The following NFATC1 variants were observed in gnomAD, a reference collection of about 807,000 sequenced individuals.
NFATC1 encodes nuclear factor of activated T cells 1, also known as nuclear factor of activated T-cells, cytoplasmic 1.
In NFATC1, 22 loss-of-function variants were observed where a neutral mutation model predicts 76.0. The observed-to-expected ratio is 0.29, with a 90% CI of 0.21 to 0.41. The LOEUF is 0.41. Among genes scored for constraint, NFATC1 ranks in the 10% least tolerant of loss-of-function variants. NFATC1 has a pLI of 1.00. For synonymous variants in NFATC1, 704 were observed against 613.1 expected, an observed-to-expected ratio of 1.15 and a Z score of -2.19; for missense variants, 1,357 against 1,337.7, an observed-to-expected ratio of 1.01 and a Z score of -0.23.
chr18:79,472,354 A>G (rs2088821560), intron 8 of NFATC1, among the ~76,000 whole-genome samples: 2 of 152,122 alleles, frequency 1.3e-5, no homozygotes, highest in Non-Finnish European at 2.9e-5. Flanking sequence ...AGCACCCCAC[A>G]AGGGATCCGC....
At chr18:79,455,738 C>CG (rs1361021629) in intron 6 of NFATC1, among the ~76,000 whole-genome samples, 1 of 114,166 alleles carries the variant, frequency 8.8e-6, no homozygotes, top group Admixed American at 8.6e-5. Flanking sequence ...CCCAGCTCGC[C>CG]CCCCATCTCA....
intron 9 of NFATC1, chr18:79,497,373 CA>C (rs1287930457): frequency 1.3e-5 from 2 of 152,094 alleles, no homozygotes; most frequent in Non-Finnish European, 2.9e-5. Context: ...GGGGCCGCTC[CA>C]GCCCCGAGGC....
chr18:79,526,863 G>A (rs976960727), intron 9 of NFATC1, among the ~76,000 whole-genome samples: 3 of 152,210 alleles, frequency 2.0e-5, no homozygotes, highest in Non-Finnish European at 2.9e-5. Flanking sequence ...AGGGAAGCCC[G>A]GGCAGTTCCG....
intron 7 of NFATC1, among the ~76,000 whole-genome samples, chr18:79,464,294 C>T (rs1316451872): frequency 1.3e-5 from 2 of 152,064 alleles, no homozygotes; most frequent in Non-Finnish European, 2.9e-5. Flanking sequence ...GGGATTTCAC[C>T]ATGTTGTCCA....
At chr18:79,419,419 AG>A (rs2085990157) in intron 2 of NFATC1, among the ~76,000 whole-genome samples, 1 of 149,856 alleles carries the variant, frequency 6.7e-6, no homozygotes, top group African/African-American at 2.5e-5. Context: ...GGAGCCCCCT[AG>A]GAGGGTCAGA....
At chr18:79,456,541 C>T (rs2087735905) in intron 6 of NFATC1, among the ~76,000 whole-genome samples, 1 of 152,240 alleles carries the variant, frequency 6.6e-6, no homozygotes, top group Admixed American at 6.5e-5. Context: ...TCCAGCTGCC[C>T]CTGCTCCTTG....
At chr18:79,483,657 A>G (rs2089396610) in intron 8 of NFATC1, among the ~76,000 whole-genome samples, 1 of 133,974 alleles carries the variant, frequency 7.5e-6, no homozygotes, top group Non-Finnish European at 1.6e-5. Context: ...CTGGGGTGTA[A>G]TTCCAGCGTG....
chr18:79,451,425 G>A (rs1465925834), intron 5 of NFATC1, among the ~76,000 whole-genome samples: 4 of 152,270 alleles, frequency 2.6e-5, no homozygotes, highest in African/African-American at 9.6e-5. Flanking sequence ...CGATGACTGT[G>A]ATTTGAGTGA....
At chr18:79,525,639 CT>C (rs1207820862) in intron 9 of NFATC1, among the ~76,000 whole-genome samples, 1 of 152,212 alleles carries the variant, frequency 6.6e-6, no homozygotes, top group Non-Finnish European at 1.5e-5. Context: ...CACCTTTCCC[CT>C]GTGTTGATCA....
intron 1 of NFATC1, among the ~76,000 whole-genome samples, chr18:79,409,154 C>A (rs551854121): frequency 1.3e-5 from 1 of 79,696 alleles, no homozygotes; most frequent in Non-Finnish European, 3.4e-5. Flanking sequence ...CATCCGTCAT[C>A]CATCTATCCA....
At chr18:79,525,646 G>T (rs1242156492) in intron 9 of NFATC1, among the ~76,000 whole-genome samples, 1 of 152,290 alleles carries the variant, frequency 6.6e-6, no homozygotes, top group Non-Finnish European at 1.5e-5. Context: ...CCCCTGTGTT[G>T]ATCATTTAGG....
At chr18:79,512,982 C>T (rs1342178531) in intron 9 of NFATC1, among the ~76,000 whole-genome samples, 1 of 152,246 alleles carries the variant, frequency 6.6e-6, no homozygotes, top group Non-Finnish European at 1.5e-5. Flanking sequence ...GCTCATGTGC[C>T]TATAAGATGG....
rs145080074 is a variant in NFATC1, at chr18:79,476,609, G to A, written c.2092+9027G>A. On this transcript the variant is annotated intron_variant, in intron 8 of 9. Coordinates refer to ENST00000427363, the MANE Select transcript of NFATC1 (RefSeq NM_001278669.2). Reference sequence around the variant, plus strand: ...ACCTGAGCTCTGCGTCTGTTTTCACGCTTCTGTATGTGTAGGAAGCCCCCC... The same window carrying A: ...ACCTGAGCTCTGCGTCTGTTTTCACACTTCTGTATGTGTAGGAAGCCCCCC... 5.8e-3 allele frequency among the ~76,000 whole-genome samples: 890 copies of A among 152,218 alleles called. 13 individuals are homozygous for A. The highest frequency in any genetic ancestry group is 0.019 in the African/African-American group (806 of 41,524).
chr18:79,458,650 C>G (rs754356633), intron 6 of NFATC1, among the ~76,000 whole-genome samples: 1 of 152,234 alleles, frequency 6.6e-6, no homozygotes, highest in Non-Finnish European at 1.5e-5. Flanking sequence ...ACTAAGGACT[C>G]GGAGCTCTGA....
At chr18:79,485,292 C>T (rs570803893) in intron 8 of NFATC1, among the ~76,000 whole-genome samples, 1 of 152,356 alleles carries the variant, frequency 6.6e-6, no homozygotes, top group Non-Finnish European at 1.5e-5. Context: ...TGGCACCACG[C>T]GTCTGTTAGG....
At chr18:79,449,059 G>C (rs974508201) in intron 4 of NFATC1, 75 bp downstream of exon 4, 2 of 1,484,564 alleles carry the variant, frequency 1.3e-6, no homozygotes, top group African/African-American at 1.4e-5. Flanking sequence ...GTCCCGGGGG[G>C]TCTGGCCAGC....
intron 2 of NFATC1, among the ~76,000 whole-genome samples, chr18:79,412,313 G>A (rs533502582): frequency 2.6e-5 from 4 of 152,356 alleles, no homozygotes; most frequent in South Asian, 2.1e-4. Flanking sequence ...GAAAACGTCC[G>A]TGCAGGAGGT....
intron 6 of NFATC1, among the ~76,000 whole-genome samples, chr18:79,455,607 C>CCT (rs1208102882): frequency 6.6e-6 from 1 of 152,140 alleles, no homozygotes; most frequent in African/African-American, 2.4e-5. Flanking sequence ...GGCCGGGTGG[C>CCT]CTGCACGGTG....
At chr18:79,406,993 G>A (rs541077414) in intron 1 of NFATC1, among the ~76,000 whole-genome samples, 7 of 152,350 alleles carry the variant, frequency 4.6e-5, no homozygotes, top group Non-Finnish European at 7.3e-5. Context: ...TGATGCAGCC[G>A]GCTCAGGGGC....
Sources: allele counts gnomAD v4.1 joint callset (sites outside exome capture counted in the v4.1 genomes callset), GRCh38; gene constraint gnomAD v4.1.1; transcripts MANE v1.5; gene names NCBI Gene and HGNC (gene_info 2026-07-23, HGNC 2026-07-21).